Variants in ZC3H12B observed in about 807,000 individuals in gnomAD.
ZC3H12B encodes the protein zinc finger CCCH-type containing 12B, also known as probable ribonuclease ZC3H12B.
A neutral mutation model predicts 43.9 loss-of-function variants in ZC3H12B; 7 were observed. The observed-to-expected ratio is 0.16, with a 90% confidence interval of 0.09 to 0.30. The LOEUF (loss-of-function observed/expected upper bound fraction) is 0.30, where lower values mean the gene tolerates loss of function less well. Ranked by LOEUF, ZC3H12B falls within the 10% of genes least tolerant of loss-of-function variation. The pLI, the probability that ZC3H12B is intolerant of heterozygous loss-of-function variation, is 1.00. For missense variants in ZC3H12B, 475 were observed against 670.2 expected, an observed-to-expected ratio of 0.71 and a Z score of 3.22; for synonymous variants, 222 against 241.7, an observed-to-expected ratio of 0.92 and a Z score of 0.76.
the ZC3H12B span, among the ~76,000 whole-genome samples, chrX:65,091,716 T>C: frequency 9.0e-6 from 1 of 111,498 alleles, no homozygotes; most frequent in African/African-American, 3.3e-5. Context: ...TCCAAGATCA[T>C]ACAAAAAAAA....
At chrX:65,200,529 T>C in the ZC3H12B span, among the ~76,000 whole-genome samples, 1 of 103,497 alleles carries the variant, frequency 9.7e-6, no homozygotes, top group Non-Finnish European at 2.0e-5. Flanking sequence ...ACCTCCTAGG[T>C]TCAAGCGATT....
the ZC3H12B span, among the ~76,000 whole-genome samples, chrX:65,297,222 A>G: frequency 9.0e-6 from 1 of 111,002 alleles, no homozygotes; most frequent in Non-Finnish European, 1.9e-5. Context: ...CTTTTCGCCA[A>G]TAATATAATC....
chrX:65,162,555 A>G, the ZC3H12B span, among the ~76,000 whole-genome samples: 30 of 111,885 alleles, frequency 2.7e-4, no homozygotes, highest in African/African-American at 7.8e-4. Context: ...CCAGTTGATC[A>G]CATCGGCTCC....
the ZC3H12B span, among the ~76,000 whole-genome samples, chrX:65,176,064 G>T: frequency 2.7e-5 from 3 of 111,845 alleles, no homozygotes; most frequent in African/African-American, 3.3e-5. Flanking sequence ...TGGAAAGGAG[G>T]CTGAAGCCAG....
At chrX:65,392,746 T>C (rs1247624244) in intron 2 of ZC3H12B, among the ~76,000 whole-genome samples, 2 of 113,085 alleles carry the variant, frequency 1.8e-5, no homozygotes, top group African/African-American at 6.4e-5. Context: ...CTGGGAGGTG[T>C]ACCCAACAGC....
At chrX:65,125,020 C>T in the ZC3H12B span, among the ~76,000 whole-genome samples, 2 of 110,111 alleles carry the variant, frequency 1.8e-5, no homozygotes, top group African/African-American at 6.6e-5. Flanking sequence ...TTTTCTTCTG[C>T]TGGCTTTGGG....
the ZC3H12B span, chrX:65,357,196 T>TC: frequency 7.4e-6 from 3 of 405,992 alleles, no homozygotes; most frequent in African/African-American, 7.5e-5. Context: ...TTTATAAATT[T>TC]CCCTCTCAGG....
At chrX:65,364,772 G>A (rs935347256), upstream of ZC3H12B, among the ~76,000 whole-genome samples, 5 of 111,484 alleles carry the variant, frequency 4.5e-5, no homozygotes, top group African/African-American at 1.6e-4. Context: ...TCACTTCTCA[G>A]TATTTCATCT....
At chrX:65,388,545 AT>A (rs976103081) in intron 2 of ZC3H12B, among the ~76,000 whole-genome samples, 8 of 109,466 alleles carry the variant, frequency 7.3e-5, no homozygotes, top group South Asian at 3.9e-4. Flanking sequence ...CATTTGTCTA[AT>A]TTTTTTTTCA....
the ZC3H12B span, among the ~76,000 whole-genome samples, chrX:65,306,565 G>A: frequency 9.9e-5 from 11 of 110,954 alleles, no homozygotes; most frequent in African/African-American, 3.3e-4. Context: ...AATAGAGACG[G>A]GGTTGCACTG....
chrX:65,438,568 G>A (rs951806164), intron 3 of ZC3H12B, among the ~76,000 whole-genome samples: 2 of 112,482 alleles, frequency 1.8e-5, no homozygotes, highest in Admixed American at 1.9e-4. Flanking sequence ...AGCCTTCAGA[G>A]CTGAAAGCCC....
chrX:65,199,093 G>T, the ZC3H12B span, among the ~76,000 whole-genome samples: 1 of 109,060 alleles, frequency 9.2e-6, no homozygotes, highest in Non-Finnish European at 1.9e-5. Flanking sequence ...GCCCCCCAAA[G>T]ATAAGACCAA....
the ZC3H12B span, among the ~76,000 whole-genome samples, chrX:65,345,168 C>A: frequency 2.7e-5 from 3 of 112,127 alleles, no homozygotes; most frequent in African/African-American, 9.7e-5. Flanking sequence ...AACAGTAATA[C>A]CATTCAACTT....
At chrX:65,042,617 TGTG>T in the ZC3H12B span, among the ~76,000 whole-genome samples, 8 of 112,291 alleles carry the variant, frequency 7.1e-5, no homozygotes, top group Non-Finnish European at 1.5e-4. Context: ...AGAAATGCTT[TGTG>T]TAAGATGTCC....
At chrX:65,471,695 C>T (rs1311913943) in intron 3 of ZC3H12B, among the ~76,000 whole-genome samples, 1 of 110,408 alleles carries the variant, frequency 9.1e-6, no homozygotes, top group Non-Finnish European at 1.9e-5. Flanking sequence ...AAGTGATCTG[C>T]CCACCTTCGC....
the ZC3H12B span, among the ~76,000 whole-genome samples, chrX:65,275,757 G>A: frequency 5.3e-5 from 6 of 112,197 alleles, no homozygotes; most frequent in Non-Finnish European, 7.5e-5. Flanking sequence ...CACCAGATGC[G>A]TGAAAATCAA....
the ZC3H12B span, among the ~76,000 whole-genome samples, chrX:65,155,527 C>T: frequency 1.3e-4 from 14 of 110,657 alleles, no homozygotes; most frequent in East Asian, 3.4e-3. Context: ...AGTTATTGTT[C>T]GGTTTTGTAC....
chrX:65,143,755 G>T, the ZC3H12B span, among the ~76,000 whole-genome samples: 1 of 108,235 alleles, frequency 9.2e-6, no homozygotes, highest in Non-Finnish European at 1.9e-5. Flanking sequence ...TTTTAATAGC[G>T]GTGGGGTTTT....
the ZC3H12B span, among the ~76,000 whole-genome samples, chrX:65,175,111 G>A: frequency 1.2e-4 from 13 of 111,427 alleles, no homozygotes; most frequent in Non-Finnish European, 1.9e-4. Flanking sequence ...AGTTCCTTGC[G>A]GCTTCCCTTG....
Sources: gnomAD v4.1 joint callset for allele counts (sites outside exome capture counted in the v4.1 genomes callset) on GRCh38, gnomAD v4.1.1 for gene constraint, MANE v1.5 for transcripts, NCBI Gene and HGNC (gene_info 2026-07-23, HGNC 2026-07-21) for gene names.